Variants in NBN observed in about 807,000 individuals in gnomAD.
NBN encodes the protein nibrin, also known as Nijmegen breakage syndrome 1 (nibrin).
In NBN, 88 loss-of-function variants were observed where a neutral mutation model predicts 90.8. The observed-to-expected ratio is 0.97, with a 90% CI of 0.82 to 1.16. The LOEUF (loss-of-function observed/expected upper bound fraction) is 1.16, where lower values mean the gene tolerates loss of function less well. NBN is among the 50% of genes most tolerant of loss of function. NBN has a pLI of 0.00. For synonymous variants in NBN, 328 were observed against 295.1 expected, an observed-to-expected ratio of 1.11 and a Z score of -1.14; for missense variants, 894 against 869.6, an observed-to-expected ratio of 1.03 and a Z score of -0.35.
intron 14 of NBN, among the ~76,000 whole-genome samples, chr8:89,942,182 G>A (rs371045712): frequency 6.6e-6 from 1 of 152,222 alleles, no homozygotes; most frequent in African/African-American, 2.4e-5. Flanking sequence ...AAAGAAACTT[G>A]CCCATCTTCA....
intron 10 of NBN, 72 bp downstream of exon 10, chr8:89,955,211 T>C (rs1810639392): frequency 5.6e-6 from 8 of 1,423,766 alleles, no homozygotes; most frequent in Non-Finnish European, 7.9e-6. Context: ...CTAAAGACAA[T>C]ACCATTCTAC....
intron 9 of NBN, among the ~76,000 whole-genome samples, chr8:89,956,923 A>C (rs1810740602): frequency 6.6e-6 from 1 of 152,342 alleles, no homozygotes; most frequent in South Asian, 2.1e-4. Flanking sequence ...CAACCTATTA[A>C]GTGTCTATGG....
At position 89,934,413 on chromosome 8, in the gene NBN, C is replaced by A. The variant is rs1037685258; in HGVS notation, c.*1169G>T. The A allele has an allele frequency of 8.6e-6, 2 of 232,980 alleles. No homozygotes were observed. Among genetic ancestry groups the A allele is most frequent in the Admixed American group, 1.1e-4 (2 of 17,766 alleles). The allele number at this position is 232,980 out of a possible 1,614,324, so 14.4% of individuals were successfully genotyped here. ...AGGCTGAGAAGCTTTTAAAAAAAGA[C>A]CTTCATTTCCCTAACTCCCTTGCAG... On this transcript the variant is annotated 3_prime_UTR_variant, in exon 16 of 16. Coordinates refer to ENST00000265433, the MANE Select transcript of NBN (RefSeq NM_002485.5).
chr8:89,957,469 AATTT>A (rs1810778126), intron 9 of NBN, among the ~76,000 whole-genome samples: 1 of 152,328 alleles, frequency 6.6e-6, no homozygotes, highest in African/African-American at 2.4e-5. Context: ...AGCTAAGGTT[AATTT>A]ATTATTGAAG....
At chr8:89,953,750 A>G in intron 10 of NBN, 59 bp from the exon 11 acceptor site, 1 of 1,373,272 alleles carries the variant, frequency 7.3e-7, no homozygotes, top group South Asian at 1.3e-5. Flanking sequence ...CTAAGTAACC[A>G]TTTAGTTTGG....
At chr8:89,982,630 C>T (rs1812122528) in intron 2 of NBN, 92 bp downstream of exon 2, 1 of 1,170,770 alleles carries the variant, frequency 8.5e-7, no homozygotes, top group African/African-American at 1.5e-5. Flanking sequence ...AATGACAAAT[C>T]CTGTGAACTC....
chr8:89,965,502 T>C lies in NBN; in HGVS notation c.897-995A>G, dbSNP rs1041288735. ...CTCATTGTAAAGATTTTTTTTTTTT[T>C]TTCTGAGACAGAGACTTGCTCTTTC... On this transcript the variant is annotated intron_variant, in intron 7 of 15. Coordinates refer to ENST00000265433, the MANE Select transcript of NBN (RefSeq NM_002485.5). 1.4e-4 allele frequency among the ~76,000 whole-genome samples: 22 copies of C among 152,222 alleles called. No individual in the cohort carries two copies. In the South Asian group the frequency reaches 4.6e-3, roughly 32 times the overall value.
At chr8:89,938,915 T>C (rs1425148442) in intron 14 of NBN, among the ~76,000 whole-genome samples, 1 of 152,144 alleles carries the variant, frequency 6.6e-6, no homozygotes, top group Non-Finnish European at 1.5e-5. Flanking sequence ...TGTAGCATAG[T>C]AAGGAAAAAC....
In NBN at chr8:89,964,401, T is replaced by C. The variant is rs559438888; in HGVS notation, c.994+9A>G. 1.6e-5 allele frequency: 26 copies of C among 1,613,686 alleles called. 1 individual carries two copies. In the South Asian group the frequency reaches 2.9e-4, roughly 18 times the overall value. On this transcript the variant is annotated intron_variant, in intron 8 of 15. Coordinates refer to ENST00000265433, the MANE Select transcript of NBN (RefSeq NM_002485.5). ...TGCTAACGAATCAATAAAATAATGC[T>C]TCAATTACCTGTACTGGGATGGCCC...
chr8:89,937,410 A>G, intron 14 of NBN: 1 of 334,080 alleles, frequency 3.0e-6, no homozygotes, highest in Non-Finnish European at 5.7e-6. Context: ...GGGTCAGACC[A>G]CTGATGAGAC....
At chr8:89,942,769 G>C (rs534651282) in intron 14 of NBN, among the ~76,000 whole-genome samples, 1 of 152,096 alleles carries the variant, frequency 6.6e-6, no homozygotes, top group Non-Finnish European at 1.5e-5. Flanking sequence ...AAGACAAATG[G>C]AAAAGAAAAT....
At chr8:89,950,621 G>C (rs1237845231) in intron 11 of NBN, among the ~76,000 whole-genome samples, 3 of 152,224 alleles carry the variant, frequency 2.0e-5, no homozygotes, top group Admixed American at 6.5e-5. Flanking sequence ...CATTTAGAAT[G>C]TCATGAATTC....
At chr8:89,965,500 T>C (rs1040011001) in intron 7 of NBN, among the ~76,000 whole-genome samples, 1 of 152,046 alleles carries the variant, frequency 6.6e-6, no homozygotes, top group African/African-American at 2.4e-5. Context: ...TTTTTTTTTT[T>C]TTTTCTGAGA....
At chr8:89,954,535 TA>T (rs545464810) in intron 10 of NBN, among the ~76,000 whole-genome samples, 90 of 137,194 alleles carry the variant, frequency 6.6e-4, no homozygotes, top group Non-Finnish European at 6.9e-4. Context: ...GCTATTTTAC[TA>T]AAAAAAAAAA....
At chr8:89,982,002 C>T in intron 2 of NBN, 1 of 1,160,856 alleles carries the variant, frequency 8.6e-7, no homozygotes, top group Non-Finnish European at 1.1e-6. Context: ...TTTTTCTATA[C>T]CTAAAAGAAC....
chr8:89,968,604 T>A (rs1811360918), intron 7 of NBN, among the ~76,000 whole-genome samples: 1 of 152,214 alleles, frequency 6.6e-6, no homozygotes, highest in South Asian at 2.1e-4. Flanking sequence ...ATTTTTTTTT[T>A]AATGTATTAC....
chr8:89,977,980 T>C (rs1179827007), intron 5 of NBN, among the ~76,000 whole-genome samples: 1 of 152,194 alleles, frequency 6.6e-6, no homozygotes, highest in East Asian at 1.9e-4. Flanking sequence ...TGTCTTTCCA[T>C]TTTTTTCTTT....
chr8:89,980,935 T>C (rs758073012), intron 3 of NBN, 42 bp from the exon 4 acceptor site: 1 of 1,584,210 alleles, frequency 6.3e-7, no homozygotes, highest in Non-Finnish European at 8.6e-7. Flanking sequence ...AGTATCAGAG[T>C]TGCAGAGATG....
At chr8:89,983,743 T>C (rs1805799) in intron 1 of NBN, among the ~76,000 whole-genome samples, 46,853 of 151,952 alleles carry the variant, frequency 0.31, 7,483 homozygotes, top group East Asian at 0.45. Flanking sequence ...ATAATTTCAT[T>C]ACCCGAGTGG....
Sources: allele counts gnomAD v4.1 joint callset (sites outside exome capture counted in the v4.1 genomes callset), GRCh38; gene constraint gnomAD v4.1.1; transcripts MANE v1.5; gene names NCBI Gene and HGNC (gene_info 2026-07-23, HGNC 2026-07-21).